Variants in TRPC4 observed in about 807,000 individuals in gnomAD.
The protein encoded by TRPC4 is transient receptor potential cation channel subfamily C member 4.
A neutral mutation model predicts 99.4 loss-of-function variants in TRPC4; 49 were observed. That is an observed-to-expected ratio of 0.49 (90% CI 0.39 to 0.63). TRPC4 has a LOEUF of 0.63. Among genes scored for constraint, TRPC4 ranks in the 20% least tolerant of loss-of-function variants. The probability of loss-of-function intolerance (pLI) is 0.00; values close to 1 mark genes in which losing one functional copy is unlikely to be tolerated. For synonymous variants in TRPC4, 454 were observed against 425.9 expected, an observed-to-expected ratio of 1.07 and a Z score of -0.81; for missense variants, 898 against 1,152.9, an observed-to-expected ratio of 0.78 and a Z score of 3.20.
At chr13:37,686,923 C>T (rs1241052654) in intron 4 of TRPC4, among the ~76,000 whole-genome samples, 1 of 152,012 alleles carries the variant, frequency 6.6e-6, no homozygotes, top group East Asian at 1.9e-4. Context: ...GTATTTCCTG[C>T]TGTATTCATA....
intron 2 of TRPC4, among the ~76,000 whole-genome samples, chr13:37,749,148 A>G (rs1184668910): frequency 1.3e-5 from 2 of 151,914 alleles, no homozygotes; most frequent in Non-Finnish European, 2.9e-5. Context: ...GCCATGTAAG[A>G]TGTGCCTTGC....
At chr13:37,825,141 C>T (rs1248700969) in intron 1 of TRPC4, among the ~76,000 whole-genome samples, 2 of 151,968 alleles carry the variant, frequency 1.3e-5, no homozygotes, top group Admixed American at 6.6e-5. Context: ...TTTTTTATTG[C>T]ATCTATTTGA....
rs1955768770 is a variant in TRPC4, at chr13:37,746,099, T to C, written c.735A>G (p.Ser245=). The C allele has an allele frequency of 6.2e-7, 1 of 1,613,980 alleles. No individual in the cohort carries two copies. ...NEFKSEYEEL[S]RQCKQFAKDL... is the part of the protein sequence containing the mutation. ...CCTTAGCAAATTGTTTGCACTGCCGTGACAGCTCTTCATACTCCGACTTGA... is the reference window on the plus strand; with the variant it reads ...CCTTAGCAAATTGTTTGCACTGCCGCGACAGCTCTTCATACTCCGACTTGA... Residue 245 remains serine (S), a synonymous_variant, in exon 3 of 11, where the codon TCA becomes TCG. Coordinates refer to ENST00000379705, the MANE Select transcript of TRPC4 (RefSeq NM_016179.4).
intron 1 of TRPC4, among the ~76,000 whole-genome samples, chr13:37,807,867 T>C (rs1957568756): frequency 6.6e-6 from 1 of 152,104 alleles, no homozygotes; most frequent in Non-Finnish European, 1.5e-5. Flanking sequence ...CCATTAAAGA[T>C]ATAAATTTAG....
chr13:37,692,019 A>T lies in TRPC4; in HGVS notation c.1214T>A (p.Met405Lys). The part of the protein sequence containing the change: ...QGPPPTIVEW[M>K]ILPWVLGFIW... ...TTTACCCAGGACCCACGGTAATATC[A>T]TCCACTCGACGATGGTTGGTGGTGG... Residue 405 changes from methionine to lysine, a missense_variant, in exon 4 of 11, where the codon ATG (methionine) becomes AAG (lysine). Transcript: ENST00000379705. 1 of 1,613,750 alleles carries T rather than the reference A, an allele frequency of 6.2e-7. No individual in the cohort carries two copies. The highest frequency in any genetic ancestry group is 8.5e-7 in the Non-Finnish European group (1 of 1,179,664).
chr13:37,720,682 G>A (rs997043085), intron 3 of TRPC4, among the ~76,000 whole-genome samples: 4 of 152,020 alleles, frequency 2.6e-5, no homozygotes, highest in African/African-American at 9.7e-5. Flanking sequence ...TTTTGCACTT[G>A]TACTGTTATA....
chr13:37,767,515 C>T (rs757280734), intron 2 of TRPC4, among the ~76,000 whole-genome samples: 15 of 151,190 alleles, frequency 9.9e-5, no homozygotes, highest in Non-Finnish European at 2.1e-4. Context: ...GTGGAAGGCT[C>T]CTCAGAACCC....
intron 3 of TRPC4, 35 bp downstream of exon 3, chr13:37,745,902 T>C (rs1303860071): frequency 1.7e-5 from 27 of 1,579,940 alleles, no homozygotes; most frequent in South Asian, 2.4e-5. Context: ...TTAAACTCTA[T>C]GGCATTTTGA....
chr13:37,696,376 A>G (rs762039468), intron 3 of TRPC4, among the ~76,000 whole-genome samples: 2 of 152,232 alleles, frequency 1.3e-5, no homozygotes, highest in Admixed American at 6.5e-5. Flanking sequence ...TTGTACATGG[A>G]CAAAGTAAGC....
At chr13:37,637,850 T>C (rs1429779829) in intron 10 of TRPC4, among the ~76,000 whole-genome samples, 4 of 152,152 alleles carry the variant, frequency 2.6e-5, no homozygotes, top group African/African-American at 4.8e-5. Flanking sequence ...TTCCTAAGGC[T>C]GATGCAAAAA....
At chr13:37,800,498 ATAG>A (rs1362663752) in intron 1 of TRPC4, among the ~76,000 whole-genome samples, 2 of 152,206 alleles carry the variant, frequency 1.3e-5, no homozygotes, top group South Asian at 4.1e-4. Context: ...ATCTACTCCC[ATAG>A]TATGCATTTA....
rs1442899839 is a variant in TRPC4 at position 37,635,753 on chromosome 13, G to A, written c.*1150C>T. On this transcript the variant is annotated 3_prime_UTR_variant, in exon 11 of 11. Transcript: ENST00000379705. ...TTTCCTTGTAATAGTTCAGTGAATTGTTATAAGCTAAATTACCTTGCAAAC... is the reference window on the plus strand; with the variant it reads ...TTTCCTTGTAATAGTTCAGTGAATTATTATAAGCTAAATTACCTTGCAAAC... Among the ~76,000 whole-genome samples, 1 of 152,018 alleles carries A rather than the reference G, an allele frequency of 6.6e-6. No homozygotes were observed. Among genetic ancestry groups the A allele is most frequent in the Non-Finnish European group, 1.5e-5 (1 of 67,982 alleles).
At chr13:37,812,258 A>G (rs1957721941) in intron 1 of TRPC4, among the ~76,000 whole-genome samples, 1 of 151,326 alleles carries the variant, frequency 6.6e-6, no homozygotes, top group Non-Finnish European at 1.5e-5. Context: ...AAGATTATTT[A>G]TAAAAATGCA....
intron 2 of TRPC4, among the ~76,000 whole-genome samples, chr13:37,757,512 C>T (rs1020376266): frequency 2.6e-5 from 4 of 151,740 alleles, no homozygotes; most frequent in South Asian, 2.1e-4. Context: ...TTGGAAAATT[C>T]GGAGGACTTT....
chr13:37,839,978 T>G (rs1378412373), intron 1 of TRPC4, among the ~76,000 whole-genome samples: 1 of 152,170 alleles, frequency 6.6e-6, no homozygotes, highest in Non-Finnish European at 1.5e-5. Context: ...ATCCTTTTAT[T>G]GGATCATCAA....
chr13:37,679,937 T>C (rs918860154), intron 4 of TRPC4, among the ~76,000 whole-genome samples: 3 of 152,166 alleles, frequency 2.0e-5, no homozygotes, highest in African/African-American at 7.2e-5. Flanking sequence ...ATACCTATGG[T>C]GCTTTCTCCT....
chr13:37,821,220 A>G (rs572160533), intron 1 of TRPC4, among the ~76,000 whole-genome samples: 1 of 151,134 alleles, frequency 6.6e-6, no homozygotes, highest in South Asian at 2.1e-4. Context: ...ACACACACAC[A>G]CACACACACA....
chr13:37,856,374 T>C (rs1323341087), intron 1 of TRPC4, among the ~76,000 whole-genome samples: 4 of 134,714 alleles, frequency 3.0e-5, no homozygotes, highest in South Asian at 4.6e-4. Context: ...AAAGCTGTAA[T>C]AATAAAGTCT....
At chr13:37,848,207 T>C (rs1958956059) in intron 1 of TRPC4, among the ~76,000 whole-genome samples, 3 of 152,148 alleles carry the variant, frequency 2.0e-5, no homozygotes, top group African/African-American at 7.2e-5. Flanking sequence ...GTGATTAATA[T>C]ATTAATTAGT....
Sources: gnomAD v4.1 joint callset for allele counts (sites outside exome capture counted in the v4.1 genomes callset) on GRCh38, gnomAD v4.1.1 for gene constraint, MANE v1.5 for transcripts, NCBI Gene and HGNC (gene_info 2026-07-23, HGNC 2026-07-21) for gene names.